The following MAOB variants were observed in gnomAD, a reference collection of about 807,000 sequenced individuals.
MAOB encodes amine oxidase [flavin-containing] B.
In MAOB, 15 loss-of-function variants were observed where a neutral mutation model predicts 41.9. That is an observed-to-expected ratio of 0.36 (90% CI 0.24 to 0.55). MAOB has a LOEUF of 0.55. Among genes scored for constraint, MAOB ranks in the 20% least tolerant of loss-of-function variants. MAOB has a pLI of 0.86. For missense variants in MAOB, 345 were observed against 398.7 expected (o/e 0.87, Z 1.15); for synonymous variants, 167 against 144.2 (o/e 1.16, Z -1.13).
At position 43,842,303 on chromosome X, in the gene MAOB, G is replaced by A. The variant is rs1348761346; in HGVS notation, c.141+1367C>T. On this transcript the variant is annotated intron_variant, in intron 2 of 14. Transcript: ENST00000378069. ...CATGCAAATGGCCAACAGGTTCATGGAAAAAGTTCAGCACCACTAATCATT... is the reference window on the plus strand; with the variant it reads ...CATGCAAATGGCCAACAGGTTCATGAAAAAAGTTCAGCACCACTAATCATT... 4.5e-5 allele frequency among the ~76,000 whole-genome samples: 5 copies of A among 112,001 alleles called. No homozygotes were observed. The Admixed American group carries it at 4.7e-4, about 11-fold the overall frequency.
chrX:43,797,020 C>A, intron 6 of MAOB, 105 bp downstream of exon 6: 1 of 881,957 alleles, frequency 1.1e-6, no homozygotes, highest in Middle Eastern at 2.9e-4. Context: ...GCTCTAAAAG[C>A]CACAAGCCTG....
At position 43,802,186 on chromosome X, in the gene MAOB, C is replaced by T. The variant is rs774808110; in HGVS notation, c.462G>A (p.Lys154=). ...GCAAGACTTACTCAGTCCAGCAGAG[C>T]TTGTCCAGTAGCTCCTTCATTGTCA... The part of the protein sequence containing the change: ...DNMTMKELLD[K]LCWTESAKQL... The change falls in exon 5 of 15, where the codon AAG becomes AAA. Residue 154 remains lysine (K), a synonymous_variant. Coordinates refer to ENST00000378069, the MANE Select transcript of MAOB (RefSeq NM_000898.5). The T allele has an allele frequency of 8.3e-7, 1 of 1,207,008 alleles. No individual in the cohort carries two copies. Among genetic ancestry groups the T allele is most frequent in the South Asian group, 1.8e-5 (1 of 56,099 alleles).
At chrX:43,874,350 C>A (rs1407981639) in intron 1 of MAOB, among the ~76,000 whole-genome samples, 1 of 111,388 alleles carries the variant, frequency 9.0e-6, no homozygotes, top group Admixed American at 9.6e-5. Context: ...TTCTTCCCTT[C>A]TTTCTATCCC....
At chrX:43,862,057 A>G (rs1321853126) in intron 1 of MAOB, among the ~76,000 whole-genome samples, 1 of 111,654 alleles carries the variant, frequency 9.0e-6, no homozygotes, top group Non-Finnish European at 1.9e-5. Context: ...AACCCGTGCT[A>G]CTTTTCAAAT....
intron 1 of MAOB, among the ~76,000 whole-genome samples, chrX:43,865,154 C>T (rs1270631489): frequency 1.2e-4 from 13 of 112,017 alleles, no homozygotes; most frequent in African/African-American, 4.2e-4. Flanking sequence ...ACCCAAATGT[C>T]CATCAACTAA....
At position 43,768,635 on chromosome X, in the gene MAOB, G is replaced by A; in HGVS notation, c.1410+19C>T. On this transcript the variant is annotated intron_variant, in intron 14 of 14. Coordinates refer to ENST00000378069, the MANE Select transcript of MAOB (RefSeq NM_000898.5). ...TTAGAGAAAAGATATCTAATTTCAT[G>A]AAATAAAACATAGCCTACCACAGAC... 1 of 1,183,180 alleles carries A rather than the reference G, an allele frequency of 8.5e-7. No individual in the cohort carries two copies. The highest frequency in any genetic ancestry group is 1.1e-6 in the Non-Finnish European group (1 of 870,334).
intron 3 of MAOB, among the ~76,000 whole-genome samples, chrX:43,810,237 T>C (rs1182998905): frequency 4.4e-5 from 2 of 45,103 alleles, no homozygotes; most frequent in African/African-American, 2.4e-4. Flanking sequence ...AGCGAGACTC[T>C]GTCTCAAAAA....
chrX:43,792,800 T>C (rs1447261580), intron 8 of MAOB, among the ~76,000 whole-genome samples: 1 of 111,706 alleles, frequency 9.0e-6, no homozygotes, highest in Non-Finnish European at 1.9e-5. Flanking sequence ...AATGGAACTA[T>C]CATGCGACCC....
At chrX:43,823,574 A>C (rs1036496369) in intron 3 of MAOB, among the ~76,000 whole-genome samples, 2 of 111,824 alleles carry the variant, frequency 1.8e-5, no homozygotes, top group Non-Finnish European at 3.8e-5. Context: ...CAATGTCTAC[A>C]TATCTTGGGG....
At chrX:43,876,045 G>C (rs2035437774) in intron 1 of MAOB, among the ~76,000 whole-genome samples, 1 of 111,386 alleles carries the variant, frequency 9.0e-6, no homozygotes, top group South Asian at 3.8e-4. Context: ...TGTAACCTCT[G>C]CCTCCCAGGT....
At chrX:43,783,328 C>T (rs2034360309) in intron 8 of MAOB, among the ~76,000 whole-genome samples, 1 of 111,810 alleles carries the variant, frequency 8.9e-6, no homozygotes, top group Non-Finnish European at 1.9e-5. Flanking sequence ...GACTCTTTCC[C>T]CTGTCAAGAA....
In MAOB at chrX:43,766,766, G is replaced by A. The variant is rs2034117253; in HGVS notation, c.*700C>T. On this transcript the variant is annotated 3_prime_UTR_variant, in exon 15 of 15. Transcript: ENST00000378069. The stretch of plus-strand genomic sequence containing the variant: ...CACCGCACAAAACAGTAAGACTTAA[G>A]GCTATATACTGAGTAGCATTTGAGA... The A allele has an allele frequency of 8.9e-6, 1 of 111,969 alleles. No individual in the cohort carries two copies. The highest frequency in any genetic ancestry group is 1.9e-5 in the Non-Finnish European group (1 of 53,222). 9.2% of individuals were successfully genotyped at this position (111,969 alleles called of 1,213,427 possible). A position where few individuals can be genotyped will look rare whatever the true frequency, so the allele number is the denominator to read the frequency against.
chrX:43,851,188 T>C (rs1402773891), intron 1 of MAOB, among the ~76,000 whole-genome samples: 1 of 112,223 alleles, frequency 8.9e-6, no homozygotes, highest in Admixed American at 9.5e-5. Flanking sequence ...TTATTCATTA[T>C]AAAAACTGTT....
intron 14 of MAOB, 85 bp downstream of exon 14, chrX:43,768,569 T>C (rs2034140589): frequency 1.3e-6 from 1 of 744,456 alleles, no homozygotes; most frequent in Non-Finnish European, 2.1e-6. Context: ...GGAAAAGGTA[T>C]GTGAATATAT....
intron 1 of MAOB, among the ~76,000 whole-genome samples, chrX:43,845,685 C>T (rs1285346293): frequency 8.9e-6 from 1 of 112,441 alleles, no homozygotes; most frequent in Non-Finnish European, 1.9e-5. Context: ...AGAAATTACA[C>T]TTCAAAAGAT....
At chrX:43,811,829 G>A (rs1202764667) in intron 3 of MAOB, among the ~76,000 whole-genome samples, 1 of 111,794 alleles carries the variant, frequency 8.9e-6, no homozygotes, top group African/African-American at 3.3e-5. Flanking sequence ...TTTATCCTTT[G>A]TGTCACAAAC....
At chrX:43,837,494 G>A (rs780644426) in intron 3 of MAOB, among the ~76,000 whole-genome samples, 3 of 111,916 alleles carry the variant, frequency 2.7e-5, no homozygotes, top group Non-Finnish European at 5.6e-5. Flanking sequence ...CACTGTGCCC[G>A]GCCAATATAA....
intron 1 of MAOB, among the ~76,000 whole-genome samples, chrX:43,876,681 C>T (rs1464700089): frequency 8.9e-6 from 1 of 112,462 alleles, no homozygotes; most frequent in Non-Finnish European, 1.9e-5. Flanking sequence ...ACATATTTAT[C>T]TCTTAAAATA....
At chrX:43,825,849 G>A (rs187491907) in intron 3 of MAOB, among the ~76,000 whole-genome samples, 4 of 111,538 alleles carry the variant, frequency 3.6e-5, no homozygotes, top group African/African-American at 9.8e-5. Flanking sequence ...ATTTAAAGTC[G>A]CATTTTTTTA....
Sources: gnomAD v4.1 joint callset for allele counts (sites outside exome capture counted in the v4.1 genomes callset) on GRCh38, gnomAD v4.1.1 for gene constraint, MANE v1.5 for transcripts, NCBI Gene and HGNC (gene_info 2026-07-23, HGNC 2026-07-21) for gene names.